Variants in SPMIP3 observed in about 807,000 individuals in gnomAD.
The protein encoded by SPMIP3 is protein SPMIP3.
the SPMIP3 span, among the ~76,000 whole-genome samples, chr1:244,364,370 G>T: frequency 2.0e-5 from 3 of 152,088 alleles, no homozygotes; most frequent in African/African-American, 7.2e-5. Context: ...CTCCCAAAGT[G>T]CTGGGATTAC....
At chr1:244,372,003 C>T in the SPMIP3 span, among the ~76,000 whole-genome samples, 2 of 152,204 alleles carry the variant, frequency 1.3e-5, no homozygotes, top group Non-Finnish European at 2.9e-5. Flanking sequence ...GTCGTCTTTG[C>T]ACAGACAGAG....
At chr1:244,364,785 G>A in the SPMIP3 span, 44 of 1,611,898 alleles carry the variant, frequency 2.7e-5, no homozygotes, top group Admixed American at 6.7e-5. Flanking sequence ...CACAGCCTCC[G>A]GGACTGAAGC....
At chr1:244,387,100 C>T in the SPMIP3 span, among the ~76,000 whole-genome samples, 1,597 of 152,202 alleles carry the variant, frequency 0.01, 18 homozygotes, top group African/African-American at 0.016. Flanking sequence ...GTCAGGAGTT[C>T]GAGACTAGCC....
chr1:244,362,191 C>T, the SPMIP3 span, among the ~76,000 whole-genome samples: 1 of 152,142 alleles, frequency 6.6e-6, no homozygotes, highest in Non-Finnish European at 1.5e-5. Flanking sequence ...AATGAGTTAA[C>T]CGTTGTCTAT....
At chr1:244,365,915 A>C in the SPMIP3 span, among the ~76,000 whole-genome samples, 1 of 152,168 alleles carries the variant, frequency 6.6e-6, no homozygotes, top group African/African-American at 2.4e-5. Context: ...ATGGAAACTA[A>C]GGAGCTGTTT....
the SPMIP3 span, chr1:244,378,705 C>T: frequency 6.2e-5 from 93 of 1,501,012 alleles, no homozygotes; most frequent in African/African-American, 1.2e-3. Context: ...ATTAGCATCT[C>T]CTGTAGGCTT....
chr1:244,385,182 C>T, the SPMIP3 span, among the ~76,000 whole-genome samples: 10 of 152,150 alleles, frequency 6.6e-5, no homozygotes, highest in African/African-American at 2.4e-4. Context: ...CATGAGCCAC[C>T]GTGCCCAGCC....
chr1:244,360,559 T>C, the SPMIP3 span, among the ~76,000 whole-genome samples: 281 of 8,992 alleles, frequency 0.031, 15 homozygotes, highest in South Asian at 0.13. Context: ...CACACACACA[T>C]GCATGCATGG....
the SPMIP3 span, among the ~76,000 whole-genome samples, chr1:244,360,509 T>TACACACACACAC: frequency 5.1e-5 from 3 of 59,096 alleles, no homozygotes; most frequent in African/African-American, 1.0e-4. Flanking sequence ...AAACGTGATA[T>TACACACACACAC]ACACACACAC....
the SPMIP3 span, among the ~76,000 whole-genome samples, chr1:244,373,907 A>G: frequency 6.6e-6 from 1 of 152,058 alleles, no homozygotes; most frequent in East Asian, 1.9e-4. Flanking sequence ...TGAGGCCAGG[A>G]GTTTGAGACC....
chr1:244,366,778 G>T, the SPMIP3 span, among the ~76,000 whole-genome samples: 1 of 152,202 alleles, frequency 6.6e-6, no homozygotes, highest in Non-Finnish European at 1.5e-5. Context: ...TACTCGGGAA[G>T]CTGAGGCAGG....
At chr1:244,378,716 G>A in the SPMIP3 span, 5 of 1,453,248 alleles carry the variant, frequency 3.4e-6, no homozygotes, top group East Asian at 1.1e-4. Flanking sequence ...CTGTAGGCTT[G>A]CTGTCTCAGG....
At chr1:244,364,573 T>C in the SPMIP3 span, 541 of 859,122 alleles carry the variant, frequency 6.3e-4, 1 homozygote, top group Non-Finnish European at 9.3e-4. Context: ...CCTTCTACCA[T>C]GTCAAATATT....
At chr1:244,365,997 G>T in the SPMIP3 span, among the ~76,000 whole-genome samples, 1 of 151,994 alleles carries the variant, frequency 6.6e-6, no homozygotes, top group Non-Finnish European at 1.5e-5. Context: ...GCTAAATTTG[G>T]TATCAGATGA....
the SPMIP3 span, among the ~76,000 whole-genome samples, chr1:244,363,072 TGTA>T: frequency 5.9e-5 from 9 of 151,442 alleles, no homozygotes; most frequent in East Asian, 1.7e-3. Context: ...ATTATTTAAA[TGTA>T]GTAGTTTGCT....
At chr1:244,374,422 C>G in the SPMIP3 span, among the ~76,000 whole-genome samples, 1 of 151,926 alleles carries the variant, frequency 6.6e-6, no homozygotes, top group African/African-American at 2.4e-5. Context: ...TCTTTACAGA[C>G]TTATTTGTTA....
the SPMIP3 span, chr1:244,388,989 C>T: frequency 1.9e-5 from 31 of 1,613,858 alleles, no homozygotes; most frequent in Admixed American, 8.3e-5. Context: ...GCTGAATCCT[C>T]GACCGCTTAA....
At chr1:244,357,841 GC>G in the SPMIP3 span, among the ~76,000 whole-genome samples, 1 of 152,152 alleles carries the variant, frequency 6.6e-6, no homozygotes, top group East Asian at 1.9e-4. Context: ...ACTTTGGGAA[GC>G]CGAGGTGGGA....
At chr1:244,387,388 G>T in the SPMIP3 span, among the ~76,000 whole-genome samples, 2 of 152,040 alleles carry the variant, frequency 1.3e-5, no homozygotes, top group East Asian at 3.9e-4. Context: ...AGCTCTCTTT[G>T]AACCCTTATT....
Sources: allele counts gnomAD v4.1 joint callset (sites outside exome capture counted in the v4.1 genomes callset), GRCh38; gene constraint gnomAD v4.1.1; transcripts MANE v1.5; gene names NCBI Gene and HGNC (gene_info 2026-07-23, HGNC 2026-07-21).